BMP6: variants seen among roughly 807,000 people sequenced by gnomAD.
The protein encoded by BMP6 is VG-1-R.
BMP6 carries 17 observed loss-of-function variants against 54.1 expected under a neutral mutation model. That is an observed-to-expected ratio of 0.31 (90% CI 0.22 to 0.47). The LOEUF (loss-of-function observed/expected upper bound fraction) is 0.47, where lower values mean the gene tolerates loss of function less well. Ranked by LOEUF, BMP6 falls within the 20% of genes least tolerant of loss-of-function variation. BMP6 has a pLI of 1.00. For synonymous variants in BMP6, 328 were observed against 291.2 expected, an observed-to-expected ratio of 1.13 and a Z score of -1.28; for missense variants, 720 against 690.4, an observed-to-expected ratio of 1.04 and a Z score of -0.48.
intron 1 of BMP6, among the ~76,000 whole-genome samples, chr6:7,745,975 A>G (rs1318159520): frequency 1.3e-5 from 2 of 151,870 alleles, no homozygotes; most frequent in African/African-American, 4.8e-5. Context: ...TCAAGAAAAA[A>G]AGAGAGAGAG....
chr6:7,874,213 G>A (rs562535206), intron 4 of BMP6, among the ~76,000 whole-genome samples: 2 of 152,292 alleles, frequency 1.3e-5, no homozygotes, highest in East Asian at 3.9e-4. Context: ...TTCATGGGCA[G>A]AATCCAGGCA....
rs768606168 is a variant in BMP6, at chr6:7,845,313, T to A, written c.838T>A (p.Leu280Ile). ...TTTTCTTATCAGCATTTATCAAGTCTTACAGGAGCATCAGCACAGGTATGA... is the reference window on the plus strand; with the variant it reads ...TTTTCTTATCAGCATTTATCAAGTCATACAGGAGCATCAGCACAGGTATGA... ...QTFLISIYQV[L>I]QEHQHRDSDL... Residue 280 changes from leucine (L) to isoleucine (I), a missense_variant, in exon 2 of 7, where the codon TTA becomes ATA. By Grantham distance (5) the Leu-to-Ile change is conservative (BLOSUM62 2). Coordinates refer to ENST00000283147, the MANE Select transcript of BMP6 (RefSeq NM_001718.6). 1.9e-6 allele frequency: 3 copies of A among 1,614,054 alleles called. No individual in the cohort carries two copies. In the Admixed American group the frequency reaches 5.0e-5, roughly 27 times the overall value.
Position 7,771,534 on chromosome 6 carries a change from T to A in BMP6, c.664+43915T>A, listed in dbSNP as rs185271515. The stretch of plus-strand genomic sequence containing the variant: ...AGGAAACTGAGGCAGAGAAGTTACA[T>A]AACGTTTTTCCTAGATTATCCAGTA... On this transcript the variant is annotated intron_variant, in intron 1 of 6. Coordinates refer to ENST00000283147, the MANE Select transcript of BMP6 (RefSeq NM_001718.6). Among the ~76,000 whole-genome samples the A allele has an allele frequency of 5.3e-5, 8 of 152,334 alleles. No individual in the cohort carries two copies. In the East Asian group the frequency reaches 1.5e-3, roughly 29 times the overall value.
chr6:7,848,953 G>A (rs1191426666), intron 2 of BMP6, among the ~76,000 whole-genome samples: 1 of 152,182 alleles, frequency 6.6e-6, no homozygotes, highest in Non-Finnish European at 1.5e-5. Flanking sequence ...GACCTTATCA[G>A]ATAGACAGGG....
chr6:7,822,760 G>C (rs1758631237), intron 1 of BMP6, among the ~76,000 whole-genome samples: 2 of 152,150 alleles, frequency 1.3e-5, no homozygotes, highest in South Asian at 4.1e-4. Flanking sequence ...AGGGTGATGA[G>C]ACTTTCAAAA....
At chr6:7,814,437 C>T (rs563693116) in intron 1 of BMP6, among the ~76,000 whole-genome samples, 3 of 152,282 alleles carry the variant, frequency 2.0e-5, no homozygotes, top group South Asian at 2.1e-4. Flanking sequence ...TTCCACTCCC[C>T]GATTTCTGTC....
intron 1 of BMP6, among the ~76,000 whole-genome samples, chr6:7,755,100 A>AGTT (rs1381686960): frequency 6.6e-6 from 1 of 152,246 alleles, no homozygotes; most frequent in Non-Finnish European, 1.5e-5. Flanking sequence ...AATAACATAG[A>AGTT]GTTAGGTCTT....
intron 1 of BMP6, among the ~76,000 whole-genome samples, chr6:7,749,627 T>G (rs1200760797): frequency 6.6e-6 from 1 of 152,220 alleles, no homozygotes; most frequent in African/African-American, 2.4e-5. Context: ...AGGATGAGCC[T>G]ACACCCTGTA....
At chr6:7,872,293 TAAA>T (rs3837027) in intron 4 of BMP6, among the ~76,000 whole-genome samples, 1 of 139,802 alleles carries the variant, frequency 7.2e-6, no homozygotes, top group Non-Finnish European at 1.6e-5. Flanking sequence ...TCAATCTGTT[TAAA>T]AAAAAAAAAA....
At chr6:7,870,830 T>C (rs1231541303) in intron 4 of BMP6, among the ~76,000 whole-genome samples, 1 of 152,222 alleles carries the variant, frequency 6.6e-6, no homozygotes, top group Non-Finnish European at 1.5e-5. Context: ...GGTTTCACCA[T>C]GTTGGTCAGG....
At chr6:7,834,388 G>A (rs1390254057) in intron 1 of BMP6, among the ~76,000 whole-genome samples, 3 of 151,750 alleles carry the variant, frequency 2.0e-5, no homozygotes, top group Non-Finnish European at 4.4e-5. Flanking sequence ...TGGAGAACAG[G>A]CACCAAGTTA....
At chr6:7,850,492 G>C (rs981786275) in intron 2 of BMP6, among the ~76,000 whole-genome samples, 2 of 152,208 alleles carry the variant, frequency 1.3e-5, no homozygotes, top group Non-Finnish European at 2.9e-5. Flanking sequence ...GGAGGCTGCT[G>C]TTGGAGTCTC....
chr6:7,753,518 A>G (rs1757457556), intron 1 of BMP6, among the ~76,000 whole-genome samples: 1 of 152,228 alleles, frequency 6.6e-6, no homozygotes, highest in South Asian at 2.1e-4. Context: ...TCCAACCCAC[A>G]GCCCTCCTTC....
chr6:7,743,991 CTT>C (rs1757307452), intron 1 of BMP6, among the ~76,000 whole-genome samples: 1 of 152,130 alleles, frequency 6.6e-6, no homozygotes, highest in South Asian at 2.1e-4. Flanking sequence ...CATCTTTTAA[CTT>C]TTATCAGCAT....
chr6:7,824,368 A>C (rs1241055108), intron 1 of BMP6, among the ~76,000 whole-genome samples: 1 of 152,192 alleles, frequency 6.6e-6, no homozygotes, highest in South Asian at 2.1e-4. Flanking sequence ...GTTCTCCTTG[A>C]GGCCATTGTG....
At chr6:7,816,831 A>G (rs1157685544) in intron 1 of BMP6, among the ~76,000 whole-genome samples, 1 of 151,854 alleles carries the variant, frequency 6.6e-6, no homozygotes, top group East Asian at 1.9e-4. Flanking sequence ...ACATTAGGGG[A>G]AAATAGTATA....
At chr6:7,843,950 GATATACTAATAC>G in intron 1 of BMP6, among the ~76,000 whole-genome samples, 1 of 152,238 alleles carries the variant, frequency 6.6e-6, no homozygotes, top group East Asian at 1.9e-4. Context: ...AACGTGATTT[GATATACTAATAC>G]ATATACATTA....
intron 1 of BMP6, among the ~76,000 whole-genome samples, chr6:7,841,043 T>G (rs189633672): frequency 1.3e-5 from 2 of 152,240 alleles, no homozygotes; most frequent in African/African-American, 4.8e-5. Flanking sequence ...TAACAGCCAA[T>G]GATTATCACA....
chr6:7,867,352 G>A (rs148021005), intron 4 of BMP6, among the ~76,000 whole-genome samples: 56 of 152,312 alleles, frequency 3.7e-4, no homozygotes, highest in African/African-American at 1.3e-3. Context: ...GGCTTTCAGC[G>A]TAAATTAACC....
Sources: gnomAD v4.1 joint callset for allele counts (sites outside exome capture counted in the v4.1 genomes callset) on GRCh38, gnomAD v4.1.1 for gene constraint, MANE v1.5 for transcripts, NCBI Gene and HGNC (gene_info 2026-07-23, HGNC 2026-07-21) for gene names.